BACE2: variants seen among roughly 807,000 people sequenced by gnomAD.
BACE2 encodes the protein beta-secretase 2, also known as 56 kDa aspartic-like protease.
A neutral mutation model predicts 46.2 loss-of-function variants in BACE2; 17 were observed. That is an observed-to-expected ratio of 0.37 (90% confidence interval 0.25 to 0.55). The LOEUF is 0.55. Among genes scored for constraint, BACE2 ranks in the 20% least tolerant of loss-of-function variants. The probability of loss-of-function intolerance (pLI) is 0.82; values close to 1 mark genes in which losing one functional copy is unlikely to be tolerated. For synonymous variants in BACE2, 277 were observed against 295.9 expected (o/e 0.94, Z 0.66); for missense variants, 595 against 698.1 (o/e 0.85, Z 1.66).
At chr21:41,268,971 T>C (rs2088406853) in intron 8 of BACE2, among the ~76,000 whole-genome samples, 1 of 152,200 alleles carries the variant, frequency 6.6e-6, no homozygotes. Flanking sequence ...TCTTTTTTTT[T>C]GAGACGGAGC....
intron 1 of BACE2, chr21:41,181,593 A>C (rs1985126104): frequency 6.0e-6 from 1 of 167,094 alleles, no homozygotes; most frequent in African/African-American, 2.4e-5. Flanking sequence ...TCATTAATGC[A>C]AGAGTGGATG....
intron 1 of BACE2, among the ~76,000 whole-genome samples, chr21:41,211,469 A>G (rs1220792034): frequency 6.6e-6 from 1 of 152,252 alleles, no homozygotes; most frequent in African/African-American, 2.4e-5. Context: ...ATGGCGCATG[A>G]CAATTATTTT....
chr21:41,170,880 T>C (rs1247294219), intron 1 of BACE2, among the ~76,000 whole-genome samples: 1 of 152,230 alleles, frequency 6.6e-6, no homozygotes, highest in African/African-American at 2.4e-5. Flanking sequence ...TAGGTGTGCT[T>C]TCCCAGGAAT....
At chr21:41,204,371 A>C (rs930633453) in intron 1 of BACE2, among the ~76,000 whole-genome samples, 1 of 152,074 alleles carries the variant, frequency 6.6e-6, no homozygotes, top group Non-Finnish European at 1.5e-5. Context: ...TCAAGATGGG[A>C]GATATGATGT....
intron 8 of BACE2, among the ~76,000 whole-genome samples, chr21:41,268,295 A>G (rs906178591): frequency 2.6e-5 from 4 of 152,210 alleles, no homozygotes; most frequent in Middle Eastern, 3.2e-3. Context: ...TTGGAACCCC[A>G]GAAGTCTGGC....
chr21:41,190,800 T>C (rs1463800596), intron 1 of BACE2, among the ~76,000 whole-genome samples: 3 of 152,184 alleles, frequency 2.0e-5, no homozygotes, highest in Non-Finnish European at 2.9e-5. Context: ...CTTACCTCCA[T>C]TGTGGAGTAG....
intron 3 of BACE2, among the ~76,000 whole-genome samples, chr21:41,240,461 A>C (rs953787774): frequency 3.9e-5 from 6 of 152,240 alleles, no homozygotes; most frequent in African/African-American, 1.4e-4. Context: ...TACTGCTCCA[A>C]GTGCTTTACA....
Position 41,193,406 on chromosome 21 carries a change from A to G in BACE2, c.312+24831A>G, listed in dbSNP as rs954344128. 5.9e-5 allele frequency among the ~76,000 whole-genome samples: 9 copies of G among 152,178 alleles called. No individual in the cohort carries two copies. Among genetic ancestry groups the G allele is most frequent in the African/African-American group, 2.2e-4 (9 of 41,434 alleles). On this transcript the variant is annotated intron_variant, in intron 1 of 8. Coordinates refer to ENST00000330333, the MANE Select transcript of BACE2 (RefSeq NM_012105.5). This position sits in a 1 kb window ranked among gnomAD's most constrained non-coding sequence, Gnocchi z 4.2. The stretch of plus-strand genomic sequence containing the variant: ...TCACCACTTGGTTAAGCTTACAGTA[A>G]CCCACTGTCATTCTCCAAGATCCGT...
chr21:41,241,710 A>C lies in BACE2; in HGVS notation c.619-109A>C, dbSNP rs182286419. 3.0e-6 allele frequency: 4 copies of C among 1,325,386 alleles called. No individual in the cohort carries two copies. The Admixed American group carries it at 8.5e-5, about 28-fold the overall frequency. The allele number at this position is 1,325,386 out of a possible 1,614,324, so 82.1% of individuals were successfully genotyped here. On this transcript the variant is annotated intron_variant, in intron 3 of 8. Transcript: ENST00000330333. ...TGGTGTACTGTTGAACCATGAAAAA[A>C]TTGAGTATAAACACCAGGAATGTCT...
chr21:41,243,604 A>T lies in BACE2; in HGVS notation c.882+94A>T, dbSNP rs1208454749. 2.3e-6 allele frequency: 3 copies of T among 1,302,652 alleles called. No homozygotes were observed. The East Asian group carries it at 7.7e-5, about 33-fold the overall frequency. 80.7% of individuals were successfully genotyped at this position (1,302,652 alleles called of 1,614,324 possible). A position where few individuals can be genotyped will look rare whatever the true frequency, so the allele number is the denominator to read the frequency against. ...ACCCGTAGATGCCAATAGAAGGTAC[A>T]TTACCTCGTAAGATAAAGGCTCATT... On this transcript the variant is annotated intron_variant, in intron 5 of 8. Transcript: ENST00000330333.
chr21:41,244,600 A>G (rs111635060), intron 5 of BACE2, among the ~76,000 whole-genome samples: 18 of 78,756 alleles, frequency 2.3e-4, no homozygotes, highest in African/African-American at 3.8e-4. Flanking sequence ...TTAAGGCAGG[A>G]ACCGGCCATT....
chr21:41,208,597 G>A (rs866315000), intron 1 of BACE2, among the ~76,000 whole-genome samples: 9 of 152,288 alleles, frequency 5.9e-5, no homozygotes, highest in Middle Eastern at 3.4e-3. Flanking sequence ...CTACCTCTGA[G>A]GGTTTCAGTG....
chr21:41,224,573 A>G (rs1470622622), intron 1 of BACE2, among the ~76,000 whole-genome samples: 1 of 152,180 alleles, frequency 6.6e-6, no homozygotes, highest in East Asian at 1.9e-4. Flanking sequence ...TTTATTTCTA[A>G]AAGAAGTGTT....
intron 1 of BACE2, among the ~76,000 whole-genome samples, chr21:41,214,550 A>G (rs1003520883): frequency 4.6e-5 from 7 of 152,228 alleles, no homozygotes; most frequent in Non-Finnish European, 7.3e-5. Flanking sequence ...TAGATCATCT[A>G]AACTCTTTTA....
chr21:41,199,789 C>T (rs1985889521), intron 1 of BACE2, among the ~76,000 whole-genome samples: 1 of 152,160 alleles, frequency 6.6e-6, no homozygotes, highest in Non-Finnish European at 1.5e-5. Context: ...CCCTGCCCCT[C>T]AGGCCAGGGG....
At chr21:41,182,531 G>A (rs1985172556) in intron 1 of BACE2, 1 of 166,902 alleles carries the variant, frequency 6.0e-6, no homozygotes, top group African/African-American at 2.4e-5. Context: ...AAAGGGGAGG[G>A]GGGAAGGTTC....
chr21:41,224,406 G>T (rs1986748083), intron 1 of BACE2, among the ~76,000 whole-genome samples: 1 of 151,924 alleles, frequency 6.6e-6, no homozygotes, highest in Non-Finnish European at 1.5e-5. Context: ...AGTAGAGATG[G>T]GGTTTCACCG....
At chr21:41,231,620 A>G (rs368244941) in intron 2 of BACE2, among the ~76,000 whole-genome samples, 1 of 152,092 alleles carries the variant, frequency 6.6e-6, no homozygotes, top group Non-Finnish European at 1.5e-5. Flanking sequence ...TCACTTTTTA[A>G]TCCTGCATTC....
intron 8 of BACE2, among the ~76,000 whole-genome samples, chr21:41,267,000 G>C (rs892554895): frequency 7.3e-5 from 11 of 151,618 alleles, no homozygotes; most frequent in Admixed American, 6.6e-4. Context: ...ATTTGTGTTT[G>C]TCCGATGACA....
Sources: allele counts gnomAD v4.1 joint callset (sites outside exome capture counted in the v4.1 genomes callset), GRCh38; gene constraint gnomAD v4.1.1; non-coding constraint Gnocchi (gnomAD v3.1); transcripts MANE v1.5; gene names NCBI Gene and HGNC (gene_info 2026-07-23, HGNC 2026-07-21).